The following AVEN variants were observed in gnomAD, a reference collection of about 807,000 sequenced individuals.
AVEN encodes the protein cell death regulator Aven.
AVEN carries 41 observed loss-of-function variants against 38.1 expected under a neutral mutation model. That is an observed-to-expected ratio of 1.08 (90% CI 0.84 to 1.40). The LOEUF is 1.40. AVEN is among the 40% of genes most tolerant of loss of function. The pLI is 0.00. For missense variants in AVEN, 605 were observed against 438.8 expected, an observed-to-expected ratio of 1.38 and a Z score of -3.38; for synonymous variants, 206 against 171.8, an observed-to-expected ratio of 1.20 and a Z score of -1.56.
intron 11 of AVEN, chr15:33,861,079 C>A (rs1317074809): frequency 6.3e-7 from 1 of 1,580,448 alleles, no homozygotes; most frequent in Non-Finnish European, 8.6e-7. Context: ...TTTTCTTAGA[C>A]TAAATGTTTC....
intron 2 of AVEN, among the ~76,000 whole-genome samples, chr15:33,894,472 A>G (rs937723891): frequency 4.7e-5 from 7 of 149,116 alleles, no homozygotes; most frequent in Non-Finnish European, 8.9e-5. Context: ...AGTTTAATAA[A>G]GTAGAAGAAC....
intron 2 of AVEN, among the ~76,000 whole-genome samples, chr15:33,936,938 T>C (rs12594413): frequency 0.31 from 46,796 of 150,916 alleles, 7,245 homozygotes; most frequent in African/African-American, 0.4. Flanking sequence ...GAGACCATCC[T>C]GGCTAACACA....
At chr15:33,952,537 A>G (rs548619221) in intron 2 of AVEN, among the ~76,000 whole-genome samples, 68 of 152,340 alleles carry the variant, frequency 4.5e-4, no homozygotes, top group African/African-American at 1.6e-3. Flanking sequence ...TGATTCTCCA[A>G]AAAGATAGGA....
At chr15:34,001,364 C>A (rs1290653549) in intron 2 of AVEN, among the ~76,000 whole-genome samples, 1 of 151,930 alleles carries the variant, frequency 6.6e-6, no homozygotes, top group African/African-American at 2.4e-5. Context: ...TATGAAGTAT[C>A]TTTTTTTTGA....
intron 2 of AVEN, among the ~76,000 whole-genome samples, chr15:34,068,643 A>T (rs912306088): frequency 6.6e-6 from 1 of 152,172 alleles, no homozygotes; most frequent in Non-Finnish European, 1.5e-5. Context: ...TAGTTTTTCT[A>T]TTTGGGAAAC....
At chr15:34,060,598 G>A (rs945695371) in intron 5 of AVEN, among the ~76,000 whole-genome samples, 1 of 152,122 alleles carries the variant, frequency 6.6e-6, no homozygotes, top group Admixed American at 6.5e-5. Flanking sequence ...GATTTTCACC[G>A]GGCACGGTGG....
chr15:33,881,730 T>A (rs1031934687), intron 2 of AVEN, among the ~76,000 whole-genome samples: 1 of 152,216 alleles, frequency 6.6e-6, no homozygotes. Flanking sequence ...ATACCAGACA[T>A]ATGGACATGC....
chr15:33,983,783 T>C (rs1311457566), intron 2 of AVEN, among the ~76,000 whole-genome samples: 1 of 152,066 alleles, frequency 6.6e-6, no homozygotes, highest in African/African-American at 2.4e-5. Context: ...GGTTTCTAAG[T>C]GGTAACTAAG....
At chr15:34,000,849 A>G (rs905052210) in intron 2 of AVEN, among the ~76,000 whole-genome samples, 1 of 152,170 alleles carries the variant, frequency 6.6e-6, no homozygotes, top group African/African-American at 2.4e-5. Flanking sequence ...AAAAAAACCA[A>G]AACCAATCAC....
chr15:33,960,615 G>A (rs1297164920), intron 2 of AVEN, among the ~76,000 whole-genome samples: 2 of 152,154 alleles, frequency 1.3e-5, no homozygotes, highest in African/African-American at 4.8e-5. Flanking sequence ...CTCTTTTGAA[G>A]GGGTTCAAAG....
intron 1 of AVEN, among the ~76,000 whole-genome samples, chr15:34,021,779 C>T (rs1177553787): frequency 6.6e-6 from 1 of 152,056 alleles, no homozygotes; most frequent in Admixed American, 6.5e-5. Context: ...CACTTGAACC[C>T]AGGAGGTGGA....
At chr15:33,975,358 G>A (rs373572562) in intron 2 of AVEN, among the ~76,000 whole-genome samples, 25 of 152,312 alleles carry the variant, frequency 1.6e-4, no homozygotes, top group African/African-American at 6.0e-4. Flanking sequence ...AGAGGGCACA[G>A]GTTGCGAAAC....
chr15:33,912,753 G>T (rs1892961201), intron 2 of AVEN, among the ~76,000 whole-genome samples: 1 of 152,132 alleles, frequency 6.6e-6, no homozygotes, highest in Non-Finnish European at 1.5e-5. Context: ...ACTCCCATTG[G>T]TGGCAAAAGG....
At chr15:33,854,786 G>A (rs777219664), downstream of AVEN, 8 of 1,611,520 alleles carry the variant, frequency 5.0e-6, no homozygotes, top group Non-Finnish European at 6.8e-6. Flanking sequence ...ACCTTGCCTG[G>A]TATACAACCA....
intron 3 of AVEN, among the ~76,000 whole-genome samples, chr15:33,872,996 T>C (rs1479443016): frequency 6.6e-6 from 1 of 151,212 alleles, no homozygotes; most frequent in African/African-American, 2.4e-5. Context: ...CCGGTCCCTC[T>C]CCTGCCAGGA....
intron 2 of AVEN, among the ~76,000 whole-genome samples, chr15:33,900,332 A>C: frequency 6.7e-6 from 1 of 150,266 alleles, no homozygotes; most frequent in African/African-American, 2.5e-5. Context: ...TTTTGAGACA[A>C]AGTTATTTTC....
chr15:33,979,082 T>C (rs921930942), intron 2 of AVEN, among the ~76,000 whole-genome samples: 1 of 152,226 alleles, frequency 6.6e-6, no homozygotes, highest in Non-Finnish European at 1.5e-5. Context: ...TTAAGTCTAC[T>C]CTAATAAAGA....
chr15:33,956,428 C>A (rs1417779695), intron 2 of AVEN, among the ~76,000 whole-genome samples: 4 of 152,200 alleles, frequency 2.6e-5, no homozygotes, highest in South Asian at 2.1e-4. Flanking sequence ...TTGCATCTCT[C>A]CTATGAGTGC....
intron 2 of AVEN, among the ~76,000 whole-genome samples, chr15:33,898,721 G>A (rs1018603796): frequency 6.6e-6 from 1 of 152,072 alleles, no homozygotes; most frequent in African/African-American, 2.4e-5. Flanking sequence ...TGAAGTTTAG[G>A]ACTTGAACAT....
Sources: allele counts gnomAD v4.1 joint callset (sites outside exome capture counted in the v4.1 genomes callset), GRCh38; gene constraint gnomAD v4.1.1; transcripts MANE v1.5; gene names NCBI Gene and HGNC (gene_info 2026-07-23, HGNC 2026-07-21).